Variants in EDA observed in about 807,000 individuals in gnomAD.
EDA encodes ectodysplasin-A.
Under a neutral mutation model 23.6 loss-of-function variants are expected in EDA, and 2 were observed. The observed-to-expected ratio is 0.08, with a 90% CI of 0.03 to 0.27. The LOEUF is 0.27. EDA is among the 10% of genes least tolerant of loss of function. The pLI is 1.00. For missense variants in EDA, 229 were observed against 324.2 expected (o/e 0.71, Z 2.26); for synonymous variants, 131 against 132.0 (o/e 0.99, Z 0.05).
rs1409959831 is a variant in EDA, at chrX:69,931,377, A to G, written c.397-25650A>G. ...TCAATAATAAAAAGCACACAACTCAATACTTTTAAATGGAAGAAAGAGAGT... is the reference window on the plus strand; with the variant it reads ...TCAATAATAAAAAGCACACAACTCAGTACTTTTAAATGGAAGAAAGAGAGT... On this transcript the variant is annotated intron_variant, in intron 1 of 7. Coordinates refer to ENST00000374552, the MANE Select transcript of EDA (RefSeq NM_001399.5). Among the ~76,000 whole-genome samples the G allele has an allele frequency of 2.7e-5, 3 of 111,955 alleles. No individual in the cohort carries two copies. The East Asian group carries it at 8.4e-4, about 31-fold the overall frequency.
intron 2 of EDA, among the ~76,000 whole-genome samples, chrX:70,002,851 C>A (rs1258734287): frequency 8.9e-6 from 1 of 111,747 alleles, no homozygotes; most frequent in East Asian, 2.8e-4. Flanking sequence ...TTGATTAGGG[C>A]AATGTTAGAG....
chrX:69,909,791 G>A (rs866944119), intron 1 of EDA, among the ~76,000 whole-genome samples: 1 of 112,443 alleles, frequency 8.9e-6, no homozygotes, highest in Non-Finnish European at 1.9e-5. Context: ...GAAGTATCAA[G>A]TACTGTTTTA....
At chrX:69,676,545 C>G (rs1404198754) in intron 1 of EDA, among the ~76,000 whole-genome samples, 1 of 110,138 alleles carries the variant, frequency 9.1e-6, no homozygotes, top group Non-Finnish European at 1.9e-5. Context: ...TGTGTAATCT[C>G]TAATTTCTTG....
At chrX:69,866,547 G>A (rs998105653) in intron 1 of EDA, among the ~76,000 whole-genome samples, 3 of 111,514 alleles carry the variant, frequency 2.7e-5, no homozygotes, top group African/African-American at 9.8e-5. Context: ...TGGATCACTA[G>A]GGGTGATGGT....
At chrX:69,759,373 G>A (rs886990088) in intron 1 of EDA, among the ~76,000 whole-genome samples, 6 of 112,054 alleles carry the variant, frequency 5.4e-5, no homozygotes, top group African/African-American at 9.7e-5. Context: ...GATAAAGCAC[G>A]TATGTTTAGA....
At chrX:69,775,244 T>C (rs2014745938) in intron 1 of EDA, among the ~76,000 whole-genome samples, 1 of 111,624 alleles carries the variant, frequency 9.0e-6, no homozygotes, top group African/African-American at 3.2e-5. Context: ...TTGTATGAGT[T>C]TGATAATATC....
intron 1 of EDA, among the ~76,000 whole-genome samples, chrX:69,705,617 G>A (rs749442659): frequency 8.9e-6 from 1 of 111,913 alleles, no homozygotes; most frequent in Non-Finnish European, 1.9e-5. Context: ...TTTGTCTTTG[G>A]GCTTTTAAAA....
At chrX:69,857,107 AG>A (rs1179724370) in intron 1 of EDA, among the ~76,000 whole-genome samples, 1 of 111,846 alleles carries the variant, frequency 8.9e-6, no homozygotes, top group Non-Finnish European at 1.9e-5. Flanking sequence ...CAATTATCCC[AG>A]AACCGGTTGT....
intron 2 of EDA, among the ~76,000 whole-genome samples, chrX:69,987,295 A>G (rs1476155709): frequency 9.5e-6 from 1 of 105,278 alleles, no homozygotes; most frequent in Non-Finnish European, 1.9e-5. Context: ...AAATTAAAAA[A>G]AAAAATTTTT....
At chrX:69,819,868 G>GA (rs1335677898) in intron 1 of EDA, among the ~76,000 whole-genome samples, 1 of 39,591 alleles carries the variant, frequency 2.5e-5, no homozygotes, top group Non-Finnish European at 3.7e-5. Context: ...AACAGAATTA[G>GA]AAAAAACTTT....
chrX:69,939,061 A>G (rs2018717751), intron 1 of EDA, among the ~76,000 whole-genome samples: 1 of 111,636 alleles, frequency 9.0e-6, no homozygotes, highest in Admixed American at 9.5e-5. Flanking sequence ...TTTGCTCAGG[A>G]TAGCTTTGGC....
chrX:69,903,665 G>C (rs180754756), intron 1 of EDA, among the ~76,000 whole-genome samples: 1 of 108,062 alleles, frequency 9.3e-6, no homozygotes, highest in East Asian at 2.9e-4. Context: ...TTATTTTTCT[G>C]CTTTGAAGCC....
intron 1 of EDA, among the ~76,000 whole-genome samples, chrX:69,675,530 C>T (rs1449288652): frequency 1.2e-4 from 13 of 111,519 alleles, no homozygotes; most frequent in Non-Finnish European, 2.4e-4. Context: ...TCTTTTGCTC[C>T]ACCTATTCCA....
intron 1 of EDA, among the ~76,000 whole-genome samples, chrX:69,909,243 A>G (rs1181345298): frequency 3.6e-5 from 4 of 111,741 alleles, no homozygotes; most frequent in Admixed American, 9.5e-5. Context: ...TCAGAGCCCT[A>G]CTTATTTATA....
chrX:69,665,209 T>C (rs1933641004), intron 1 of EDA, among the ~76,000 whole-genome samples: 1 of 112,468 alleles, frequency 8.9e-6, no homozygotes, highest in African/African-American at 3.2e-5. Context: ...TTTTGGATGT[T>C]AATCTCTTGT....
chrX:69,768,789 A>T (rs2014544241), intron 1 of EDA, among the ~76,000 whole-genome samples: 1 of 111,433 alleles, frequency 9.0e-6, no homozygotes, highest in African/African-American at 3.3e-5. Flanking sequence ...AGGAAGATGG[A>T]GTCATTGATT....
At chrX:69,925,715 G>A (rs753629728) in intron 1 of EDA, among the ~76,000 whole-genome samples, 35 of 109,492 alleles carry the variant, frequency 3.2e-4, no homozygotes, top group Non-Finnish European at 5.5e-4. Flanking sequence ...AATAGTTTCA[G>A]AAGGAATGGT....
chrX:69,628,979 T>C (rs1274838378), intron 1 of EDA, among the ~76,000 whole-genome samples: 1 of 111,563 alleles, frequency 9.0e-6, no homozygotes, highest in Non-Finnish European at 1.9e-5. Context: ...CTTTGTTCTC[T>C]GTTCCATATA....
intron 1 of EDA, among the ~76,000 whole-genome samples, chrX:69,772,437 T>A (rs1468634491): frequency 1.8e-5 from 2 of 112,477 alleles, no homozygotes; most frequent in African/African-American, 6.5e-5. Context: ...TAAATTTTTA[T>A]TAAGGTAAAA....
Sources: allele counts gnomAD v4.1 joint callset (sites outside exome capture counted in the v4.1 genomes callset), GRCh38; gene constraint gnomAD v4.1.1; transcripts MANE v1.5; gene names NCBI Gene and HGNC (gene_info 2026-07-23, HGNC 2026-07-21).